The following TPCN1 variants were observed in gnomAD, a reference collection of about 807,000 sequenced individuals.
The protein encoded by TPCN1 is two pore segment channel 1.
A neutral mutation model predicts 108.8 loss-of-function variants in TPCN1; 52 were observed. The observed-to-expected ratio is 0.48, with a 90% CI of 0.38 to 0.60. The LOEUF is 0.60. Among genes scored for constraint, TPCN1 ranks in the 20% least tolerant of loss-of-function variants. The pLI is 0.00. For missense variants in TPCN1, 806 were observed against 1,072.8 expected (o/e 0.75, Z 3.47); for synonymous variants, 446 against 433.7 (o/e 1.03, Z -0.35).
intron 1 of TPCN1, chr12:113,225,128 C>G: frequency 2.6e-6 from 1 of 389,106 alleles, no homozygotes; most frequent in Non-Finnish European, 5.2e-6. Flanking sequence ...GATCATAGCT[C>G]ACTATAACCT....
At chr12:113,254,084 C>T (rs971900273) in intron 2 of TPCN1, among the ~76,000 whole-genome samples, 21 of 152,302 alleles carry the variant, frequency 1.4e-4, no homozygotes, top group Admixed American at 9.1e-4. Context: ...ATTGTTTAGC[C>T]TCTTGGCAAA....
intron 7 of TPCN1, among the ~76,000 whole-genome samples, chr12:113,270,925 C>T (rs1435611757): frequency 6.6e-6 from 1 of 152,150 alleles, no homozygotes; most frequent in Non-Finnish European, 1.5e-5. Context: ...GGGACACAAA[C>T]ATTCAGACCA....
rs149031829 is a variant in TPCN1 at position 113,260,444 on chromosome 12, C to T, written c.189C>T (p.Pro63=). 90 of 1,561,768 alleles carry T rather than the reference C, an allele frequency of 5.8e-5. No individual in the cohort carries two copies. Among genetic ancestry groups the T allele is most frequent in the Admixed American group, 1.6e-4 (8 of 51,204 alleles). Reference sequence around the variant, plus strand: ...GGGGTGAGAGTTCCCCCTCCAGCCCCGCACACAACTGGGAGATGAATTACC... The same window carrying T: ...GGGGTGAGAGTTCCCCCTCCAGCCCTGCACACAACTGGGAGATGAATTACC... ...SSGGESSPSS[P]AHNWEMNYQE... The change falls in exon 3 of 28, where the codon CCC becomes CCT. Residue 63 remains proline (P), a synonymous_variant. Transcript: ENST00000335509.
In TPCN1 at chr12:113,273,150, C is replaced by G; in HGVS notation, c.784-82C>G. On this transcript the variant is annotated intron_variant, in intron 8 of 27. Transcript: ENST00000335509. The surrounding 1 kb of genome is among the most constrained non-coding windows in gnomAD (Gnocchi z 4.0). ...GCAAGAGCGGTCAAGGCAGGGCATG[C>G]CAGGTGGCCCATCACAGCCTGTTCC... 3 of 1,263,722 alleles carry G rather than the reference C, an allele frequency of 2.4e-6. No individual in the cohort carries two copies. Among genetic ancestry groups the G allele is most frequent in the Non-Finnish European group, 3.5e-6 (3 of 861,402 alleles). The allele number at this position is 1,263,722 out of a possible 1,614,324, so 78.3% of individuals were successfully genotyped here.
chr12:113,292,860 A>G, intron 25 of TPCN1, 74 bp from the exon 26 acceptor site: 1 of 1,540,178 alleles, frequency 6.5e-7, no homozygotes, highest in Non-Finnish European at 8.8e-7. Flanking sequence ...GAAGGGGGCA[A>G]GGAGGTACGA....
At chr12:113,229,012 C>T (rs1043086978) in intron 2 of TPCN1, among the ~76,000 whole-genome samples, 1 of 152,296 alleles carries the variant, frequency 6.6e-6, no homozygotes, top group East Asian at 1.9e-4. Flanking sequence ...GGGTGTCCAG[C>T]TTTCCTGTGG....
At chr12:113,280,441 C>T (rs887150986) in intron 15 of TPCN1, 1 of 404,288 alleles carries the variant, frequency 2.5e-6, no homozygotes, top group Non-Finnish European at 4.4e-6. Flanking sequence ...AATTCCAGAA[C>T]CACAGAGTTG....
chr12:113,260,745 C>T (rs116602680), intron 3 of TPCN1, among the ~76,000 whole-genome samples: 3,326 of 152,302 alleles, frequency 0.022, 122 homozygotes, highest in African/African-American at 0.076. Flanking sequence ...TCTGGCCACT[C>T]GGCCTTCCCT....
At chr12:113,281,258 T>G (rs1001192806) in intron 15 of TPCN1, among the ~76,000 whole-genome samples, 3 of 152,106 alleles carry the variant, frequency 2.0e-5, no homozygotes, top group Non-Finnish European at 2.9e-5. Flanking sequence ...CAGGATGGTC[T>G]CGAACTCCTG....
chr12:113,272,633 T>G lies in TPCN1; in HGVS notation c.749-25T>G. 3 of 1,611,590 alleles carry G rather than the reference T, an allele frequency of 1.9e-6. No homozygotes were observed. Among genetic ancestry groups the G allele is most frequent in the Non-Finnish European group, 2.5e-6 (3 of 1,177,604 alleles). ...TGGGACCTCTGCTCTAATCCTTTTG[T>G]TTATCTGTTTCCACCCACTTCTAGG... On this transcript the variant is annotated intron_variant, in intron 7 of 27. Transcript: ENST00000335509. This position sits in a 1 kb window ranked among gnomAD's most constrained non-coding sequence, Gnocchi z 4.1.
At chr12:113,256,911 T>G (rs979248433) in intron 2 of TPCN1, among the ~76,000 whole-genome samples, 1 of 152,200 alleles carries the variant, frequency 6.6e-6, no homozygotes, top group Non-Finnish European at 1.5e-5. Flanking sequence ...GTAAAACTTC[T>G]GTTTTAGTGA....
At chr12:113,240,689 C>T (rs919982973) in intron 2 of TPCN1, among the ~76,000 whole-genome samples, 3 of 151,580 alleles carry the variant, frequency 2.0e-5, no homozygotes, top group Non-Finnish European at 4.4e-5. Flanking sequence ...CCTTGACTAC[C>T]ATTCCTGTTG....
chr12:113,223,941 G>A (rs1953371574), intron 1 of TPCN1, among the ~76,000 whole-genome samples: 1 of 152,030 alleles, frequency 6.6e-6, no homozygotes, highest in South Asian at 2.1e-4. Context: ...CCCTTCCTCG[G>A]ACACCTAAAT....
At chr12:113,245,769 C>T (rs539855178) in intron 2 of TPCN1, 38 of 351,886 alleles carry the variant, frequency 1.1e-4, no homozygotes, top group South Asian at 5.9e-4. Context: ...CAGTGGTTTA[C>T]GCAGCCGGGC....
At chr12:113,241,530 A>T (rs1330942491) in intron 2 of TPCN1, among the ~76,000 whole-genome samples, 2 of 152,182 alleles carry the variant, frequency 1.3e-5, no homozygotes, top group African/African-American at 4.8e-5. Flanking sequence ...TCTCAAGCCA[A>T]ACTTGTTCTT....
chr12:113,246,130 G>A (rs1235075077), intron 2 of TPCN1: 1 of 434,796 alleles, frequency 2.3e-6, no homozygotes, highest in East Asian at 7.2e-5. Context: ...CAGAGTTTGC[G>A]TTGTTGTTTT....
chr12:113,293,828 G>A (rs1566209918), intron 27 of TPCN1, among the ~76,000 whole-genome samples: 1 of 152,154 alleles, frequency 6.6e-6, no homozygotes. Context: ...AGGCCCTACT[G>A]CGGTCGGGCT....
chr12:113,234,939 T>C (rs547207879), intron 2 of TPCN1, among the ~76,000 whole-genome samples: 1 of 152,328 alleles, frequency 6.6e-6, no homozygotes, highest in South Asian at 2.1e-4. Context: ...ATCTGGTCAG[T>C]AGGCTGCCCC....
rs1566203796 is a variant in TPCN1 at position 113,289,535 on chromosome 12, C to T, written c.1797-593C>T. Among the ~76,000 whole-genome samples, 1 of 152,212 alleles carries T rather than the reference C, an allele frequency of 6.6e-6. No individual in the cohort carries two copies. Among genetic ancestry groups the T allele is most frequent in the Non-Finnish European group, 1.5e-5 (1 of 68,044 alleles). On this transcript the variant is annotated intron_variant, in intron 21 of 27. Coordinates refer to ENST00000335509, the MANE Select transcript of TPCN1 (RefSeq NM_017901.6). The surrounding 1 kb of genome is among the most constrained non-coding windows in gnomAD (Gnocchi z 4.1). Reference sequence around the variant, plus strand: ...GTCACCAGGGAGCTTAGTGCAAGCTCCAGACCTCACTCTTGTGTCTGATGC... The same window carrying T: ...GTCACCAGGGAGCTTAGTGCAAGCTTCAGACCTCACTCTTGTGTCTGATGC...
Sources: allele counts gnomAD v4.1 joint callset (sites outside exome capture counted in the v4.1 genomes callset), GRCh38; gene constraint gnomAD v4.1.1; non-coding constraint Gnocchi (gnomAD v3.1); transcripts MANE v1.5; gene names NCBI Gene and HGNC (gene_info 2026-07-23, HGNC 2026-07-21).